The following HMCN2 variants were observed in gnomAD, a reference collection of about 807,000 sequenced individuals.
HMCN2 encodes hemicentin 2.
In HMCN2, 325 loss-of-function variants were observed where a neutral mutation model predicts 377.5. That is an observed-to-expected ratio of 0.86 (90% confidence interval 0.79 to 0.94). HMCN2 has a LOEUF of 0.94. Ranked by LOEUF, HMCN2 falls within the 40% of genes least tolerant of loss-of-function variation. The probability of loss-of-function intolerance (pLI) is 0.00; values close to 1 mark genes in which losing one functional copy is unlikely to be tolerated. For synonymous variants in HMCN2, 2,007 were observed against 2,046.8 expected, an observed-to-expected ratio of 0.98 and a Z score of 0.53; for missense variants, 4,543 against 4,725.3, an observed-to-expected ratio of 0.96 and a Z score of 1.13.
At position 130,361,998 on chromosome 9, in the gene HMCN2, T is replaced by G. The variant is rs1840410663; in HGVS notation, c.5951-10T>G. 1 of 985,866 alleles carries G rather than the reference T, an allele frequency of 1.0e-6. No homozygotes were observed. The highest frequency in any genetic ancestry group is 6.1e-5 in the Admixed American group (1 of 16,272). The allele number at this position is 985,866 out of a possible 1,614,324, so 61.1% of individuals were successfully genotyped here. On this transcript the variant is annotated splice_polypyrimidine_tract_variant and intron_variant, in intron 38 of 97. Coordinates refer to ENST00000683500, the MANE Select transcript of HMCN2 (RefSeq NM_001291815.2). This position sits in a 1 kb window ranked among gnomAD's most constrained non-coding sequence, Gnocchi z 4.8. ...CTCAGCCTGTACCCCATGTCACCCC[T>G]GCCCTGCAGTGCCCCCTCGAATCAC...
At chr9:130,392,204 A>C in intron 66 of HMCN2, 86 bp downstream of exon 66, 1 of 940,142 alleles carries the variant, frequency 1.1e-6, no homozygotes, top group Non-Finnish European at 1.3e-6. Context: ...GCTGGAAGCC[A>C]GGACTGGCTG....
At position 130,382,876 on chromosome 9, in the gene HMCN2, G is replaced by C; in HGVS notation, c.8733+10G>C. The C allele has an allele frequency of 1.0e-6, 1 of 985,688 alleles. No homozygotes were observed. The highest frequency in any genetic ancestry group is 1.2e-6 in the Non-Finnish European group (1 of 829,740). The allele number at this position is 985,688 out of a possible 1,614,324, so 61.1% of individuals were successfully genotyped here. A position where few individuals can be genotyped will look rare whatever the true frequency, so the allele number is the denominator to read the frequency against. ...CGGGCAAGTCTTGCAGGTCAGGGCAGCCCCCTGCACGGGCTAGGGGCAGTG... is the reference window on the plus strand; with the variant it reads ...CGGGCAAGTCTTGCAGGTCAGGGCACCCCCCTGCACGGGCTAGGGGCAGTG... On this transcript the variant is annotated intron_variant, in intron 56 of 97. Transcript: ENST00000683500.
At chr9:130,306,046 G>T in intron 11 of HMCN2, 83 bp from the exon 12 acceptor site, 1 of 443,626 alleles carries the variant, frequency 2.3e-6, no homozygotes, top group Non-Finnish European at 4.8e-6. Context: ...ACTATGGGAG[G>T]GGAAGAGCCC....
intron 40 of HMCN2, among the ~76,000 whole-genome samples, chr9:130,363,910 A>G (rs1471142133): frequency 1.7e-5 from 1 of 60,068 alleles, no homozygotes; most frequent in Admixed American, 2.0e-4. Flanking sequence ...GGAGAGAGAA[A>G]GAAAAAGAAA....
chr9:130,413,374 T>G (rs1843523373), intron 85 of HMCN2, among the ~76,000 whole-genome samples: 1 of 152,188 alleles, frequency 6.6e-6, no homozygotes, highest in Non-Finnish European at 1.5e-5. Flanking sequence ...GGGCGTGATG[T>G]TAGCTGTGAG....
chr9:130,385,506 G>A (rs1841973259), intron 59 of HMCN2, 54 bp from the exon 60 acceptor site: 2 of 1,220,294 alleles, frequency 1.6e-6, no homozygotes, highest in Non-Finnish European at 2.2e-6. Context: ...GTGGCTGAGT[G>A]GGGAGGGCGC....
chr9:130,288,163 G>A (rs956789426), intron 4 of HMCN2, among the ~76,000 whole-genome samples: 34 of 152,192 alleles, frequency 2.2e-4, no homozygotes, highest in African/African-American at 7.7e-4. Context: ...TCAGACACAG[G>A]GCAGCTGGGC....
intron 62 of HMCN2, among the ~76,000 whole-genome samples, chr9:130,390,652 C>G (rs1393613682): frequency 2.6e-5 from 4 of 151,002 alleles, no homozygotes; most frequent in African/African-American, 9.7e-5. Flanking sequence ...GAGCAGAAAC[C>G]TTGATAGACA....
Position 130,402,786 on chromosome 9 carries a change from C to G in HMCN2, c.11771-3C>G. 1 of 1,289,516 alleles carries G rather than the reference C, an allele frequency of 7.8e-7. No homozygotes were observed. The highest frequency in any genetic ancestry group is 1.0e-6 in the Non-Finnish European group (1 of 988,628). The allele number at this position is 1,289,516 out of a possible 1,614,324, so 79.9% of individuals were successfully genotyped here. ...ATCCCCTCACCCTGATTCCCACCAA[C>G]AGGCGCCCTGGAGATCGGGCAGGCC... On this transcript the variant is annotated splice_polypyrimidine_tract_variant and splice_region_variant and intron_variant, in intron 77 of 97. Transcript: ENST00000683500.
At chr9:130,416,678 C>A (rs1041782022) in intron 85 of HMCN2, among the ~76,000 whole-genome samples, 1 of 152,094 alleles carries the variant, frequency 6.6e-6, no homozygotes, top group Non-Finnish European at 1.5e-5. Flanking sequence ...CTGGGGTATT[C>A]GTCCAGGAGC....
chr9:130,384,928 A>C (rs1287936239), intron 59 of HMCN2, 130 bp downstream of exon 59: 1 of 526,296 alleles, frequency 1.9e-6, no homozygotes, highest in East Asian at 7.0e-5. Flanking sequence ...GCCCGCACAG[A>C]TCAGCTCTGA....
chr9:130,275,740 A>T (rs1250708928), intron 1 of HMCN2, among the ~76,000 whole-genome samples: 1 of 152,058 alleles, frequency 6.6e-6, no homozygotes, highest in African/African-American at 2.4e-5. Flanking sequence ...GTGAGCCACC[A>T]CGCCCGGCCG....
At chr9:130,373,003 C>CCCCA in intron 47 of HMCN2, 35 bp from the exon 48 acceptor site, 1 of 158,162 alleles carries the variant, frequency 6.3e-6, no homozygotes, top group Non-Finnish European at 1.3e-5. Context: ...CCCCCCCACC[C>CCCCA]CATCACTAGC....
At chr9:130,326,917 A>G (rs1838163196) in intron 21 of HMCN2, among the ~76,000 whole-genome samples, 1 of 152,166 alleles carries the variant, frequency 6.6e-6, no homozygotes, top group African/African-American at 2.4e-5. Flanking sequence ...GGTGGCTGAT[A>G]TCATGGGAAT....
At chr9:130,408,315 G>A (rs7847042) in intron 83 of HMCN2, among the ~76,000 whole-genome samples, 3,755 of 152,262 alleles carry the variant, frequency 0.025, 161 homozygotes, top group African/African-American at 0.085. Flanking sequence ...ATCTCATAGC[G>A]TTGCTTTGTA....
chr9:130,272,077 T>G lies in HMCN2; in HGVS notation c.259+5940T>G, dbSNP rs1178163343. ...TTACTGTTTAGTTCCAGTATACATT[T>G]AAAGTGGTTTCAGAATTGTTGAGTG... On this transcript the variant is annotated intron_variant, in intron 1 of 97. Coordinates refer to ENST00000683500, the MANE Select transcript of HMCN2 (RefSeq NM_001291815.2). Among the ~76,000 whole-genome samples, 11 of 149,232 alleles carry G rather than the reference T, an allele frequency of 7.4e-5. 1 individual carries two copies. Among genetic ancestry groups the G allele is most frequent in the Non-Finnish European group, 1.5e-4 (10 of 66,434 alleles).
chr9:130,289,496 G>A (rs891047380), intron 4 of HMCN2, among the ~76,000 whole-genome samples: 51 of 152,196 alleles, frequency 3.4e-4, no homozygotes, highest in African/African-American at 9.9e-4. Flanking sequence ...TTCAGACCTC[G>A]CAGCCCTGCC....
intron 86 of HMCN2, among the ~76,000 whole-genome samples, chr9:130,420,277 C>T (rs1460108129): frequency 6.6e-6 from 1 of 151,792 alleles, no homozygotes; most frequent in East Asian, 1.9e-4. Context: ...GGTTTCACCG[C>T]GTTAGCCAGG....
chr9:130,324,595 T>A (rs1315551804), intron 19 of HMCN2, among the ~76,000 whole-genome samples: 1 of 152,152 alleles, frequency 6.6e-6, no homozygotes, highest in Non-Finnish European at 1.5e-5. Flanking sequence ...TTTATTTTTA[T>A]TTTAGATGGG....
Sources: allele counts gnomAD v4.1 joint callset (sites outside exome capture counted in the v4.1 genomes callset), GRCh38; gene constraint gnomAD v4.1.1; non-coding constraint Gnocchi (gnomAD v3.1); transcripts MANE v1.5; gene names NCBI Gene and HGNC (gene_info 2026-07-23, HGNC 2026-07-21).